The following TRIM11 variants were observed in gnomAD, a reference collection of about 807,000 sequenced individuals.
The protein encoded by TRIM11 is E3 ubiquitin-protein ligase TRIM11.
Under a neutral mutation model 33.4 loss-of-function variants are expected in TRIM11, and 15 were observed. That is an observed-to-expected ratio of 0.45 (90% CI 0.30 to 0.69). The LOEUF is 0.69. Among genes scored for constraint, TRIM11 ranks in the 30% least tolerant of loss-of-function variants. The probability of loss-of-function intolerance (pLI) is 0.08; values close to 1 mark genes in which losing one functional copy is unlikely to be tolerated. For synonymous variants in TRIM11, 281 were observed against 302.6 expected (o/e 0.93, Z 0.74); for missense variants, 499 against 667.6 (o/e 0.75, Z 2.78).
In TRIM11 at chr1:228,400,762, C is replaced by T. The variant is rs74141226; in HGVS notation, c.735+202G>A. The stretch of plus-strand genomic sequence containing the variant: ...AAAATTGATTTTCCCTTTCTCGGCA[C>T]GTGGGTTTTGGGGGTGGGACATCTG... On this transcript the variant is annotated intron_variant, in intron 3 of 5. Transcript: ENST00000284551. This position sits in a 1 kb window ranked among gnomAD's most constrained non-coding sequence, Gnocchi z 4.5. Among the ~76,000 whole-genome samples the T allele has an allele frequency of 2.6e-5, 4 of 152,170 alleles. No individual in the cohort carries two copies. Among genetic ancestry groups the T allele is most frequent in the Non-Finnish European group, 4.4e-5 (3 of 68,020 alleles).
In TRIM11 at chr1:228,395,131, G is replaced by A. The variant is rs767494416; in HGVS notation, c.981C>T (p.Pro327=). The change falls in exon 6 of 6, where the codon CCC becomes CCT. Residue 327 remains proline (P), a synonymous_variant. Coordinates refer to ENST00000284551, the MANE Select transcript of TRIM11 (RefSeq NM_145214.3). The surrounding 1 kb of genome is among the most constrained non-coding windows in gnomAD (Gnocchi z 4.8). The part of the protein sequence containing the change: ...ALPDSPERFD[P]GPCVLGQERF... Reference sequence around the variant, plus strand: ...GCTCCTGGCCCAGCACGCAGGGGCCGGGGTCAAAGCGCTCTGGGCTGTCCG... The same window carrying A: ...GCTCCTGGCCCAGCACGCAGGGGCCAGGGTCAAAGCGCTCTGGGCTGTCCG... 1.8e-5 allele frequency: 28 copies of A among 1,577,336 alleles called. No individual in the cohort carries two copies. The South Asian group carries it at 2.1e-4, about 12-fold the overall frequency.
In TRIM11 at chr1:228,406,080, A is replaced by AACTACC; in HGVS notation, c.408+73_408+74insGGTAGT. ...GATTACTCCCGGAGCAGTCCCCCAA[A>AACTACC]CCTCCCACCCGCCCAGGCCTCCCCA... On this transcript the variant is annotated intron_variant, in intron 1 of 5. Transcript: ENST00000284551. This position sits in a 1 kb window ranked among gnomAD's most constrained non-coding sequence, Gnocchi z 8.2. 1 of 1,278,040 alleles carries AACTACC rather than the reference A, an allele frequency of 7.8e-7. No individual in the cohort carries two copies. Among genetic ancestry groups the AACTACC allele is most frequent in the Non-Finnish European group, 1.0e-6 (1 of 998,948 alleles). 79.2% of individuals were successfully genotyped at this position (1,278,040 alleles called of 1,614,324 possible).
Position 228,401,142 on chromosome 1 carries a change from C to G in TRIM11, c.557G>C (p.Arg186Pro). The G allele has an allele frequency of 1.9e-6, 3 of 1,613,584 alleles. No homozygotes were observed. The highest frequency in any genetic ancestry group is 2.5e-6 in the Non-Finnish European group (3 of 1,179,928). ...CTGCTCCTCCTCTGCCAGCAAACGG[C>G]GAAGACGCTCGAACTCACCCAGCAC... ...QNVLGEFERL[R>P]RLLAEEEQQL... Residue 186 changes from arginine to proline, a missense_variant, in exon 3 of 6, where the codon CGC (arginine) becomes CCC (proline). Coordinates refer to ENST00000284551, the MANE Select transcript of TRIM11 (RefSeq NM_145214.3). This position sits in a 1 kb window ranked among gnomAD's most constrained non-coding sequence, Gnocchi z 6.1.
In TRIM11 at chr1:228,394,724, T is replaced by C; in HGVS notation, c.1388A>G (p.Asp463Gly). The C allele has an allele frequency of 6.2e-7, 1 of 1,605,582 alleles. No homozygotes were observed. The highest frequency in any genetic ancestry group is 2.2e-5 in the East Asian group (1 of 44,620). Residue 463 changes from aspartate (D) to glycine (G), a missense_variant, in exon 6 of 6, where the codon GAC (aspartate) becomes GGC (glycine). Asp to Gly is a moderately conservative substitution (Grantham distance 94, BLOSUM62 -1). Transcript: ENST00000284551. The surrounding 1 kb of genome is among the most constrained non-coding windows in gnomAD (Gnocchi z 6.2). The part of the protein sequence containing the change: ...TICRPKGGSG[D>G]TLAPQ ...CCCGAGTCACTGGGGAGCCAGGGTG[T>C]CCCCGGACCCACCTTTCGGCCGGCA... is the stretch of plus-strand genomic sequence containing the variant.
intron 3 of TRIM11, among the ~76,000 whole-genome samples, chr1:228,398,989 T>C (rs1043230463): frequency 6.6e-6 from 1 of 152,068 alleles, no homozygotes; most frequent in Non-Finnish European, 1.5e-5. Flanking sequence ...ACTCTGCGGC[T>C]ACAAGCAGGG....
Position 228,401,245 on chromosome 1 carries a change from A to G in TRIM11, c.505-51T>C, listed in dbSNP as rs1656211613. ...CTGAGGCCAGACCCCAGGCCCAGCC[A>G]GACCCCAAGTTTGGTCAGACCCCAA... On this transcript the variant is annotated intron_variant, in intron 2 of 5. Transcript: ENST00000284551. This position sits in a 1 kb window ranked among gnomAD's most constrained non-coding sequence, Gnocchi z 6.1. 1.9e-6 allele frequency: 3 copies of G among 1,578,222 alleles called. No homozygotes were observed. The highest frequency in any genetic ancestry group is 2.3e-5 in the East Asian group (1 of 44,086).
intron 1 of TRIM11, chr1:228,405,570 G>C (rs905098666): frequency 6.6e-6 from 1 of 152,350 alleles, no homozygotes; most frequent in Admixed American, 6.5e-5. Context: ...GGCAGGCTGA[G>C]CCCTGGCATC....
chr1:228,397,286 A>G, intron 3 of TRIM11, 121 bp from the exon 4 acceptor site: 1 of 1,214,542 alleles, frequency 8.2e-7, no homozygotes, highest in African/African-American at 1.5e-5. Context: ...GTCAGGCAGC[A>G]AAAACACACA....
At chr1:228,404,634 T>C (rs1356859358) in intron 1 of TRIM11, 1 of 152,238 alleles carries the variant, frequency 6.6e-6, no homozygotes. Flanking sequence ...TCATTCCCCA[T>C]GAGAAAGGCA....
At chr1:228,399,946 C>T (rs986647176) in intron 3 of TRIM11, among the ~76,000 whole-genome samples, 25 of 149,840 alleles carry the variant, frequency 1.7e-4, no homozygotes, top group African/African-American at 6.1e-4. Context: ...ATAGAAATGA[C>T]AATCGAAACC....
Position 228,401,122 on chromosome 1 carries a change from C to G in TRIM11, c.577G>C (p.Glu193Gln). The change falls in exon 3 of 6, where the codon GAG (glutamate) becomes CAG (glutamine). Residue 193 changes from glutamate (E) to glutamine (Q), a missense_variant. Physicochemically the swap from Glu to Gln is conservative, Grantham distance 29. Transcript: ENST00000284551. This position sits in a 1 kb window ranked among gnomAD's most constrained non-coding sequence, Gnocchi z 6.1. ...ERLRRLLAEE[E>Q]QQLLQRLEEE... ...TCCAGCCTCTGCAGCAGCTGCTGCT[C>G]CTCCTCTGCCAGCAAACGGCGAAGA... The G allele has an allele frequency of 6.2e-7, 1 of 1,613,598 alleles. No homozygotes were observed. The highest frequency in any genetic ancestry group is 8.5e-7 in the Non-Finnish European group (1 of 1,179,916).
Position 228,394,887 on chromosome 1 carries a change from C to G in TRIM11, c.1225G>C (p.Asp409His). Residue 409 changes from aspartate to histidine, a missense_variant, in exon 6 of 6, where the codon GAC becomes CAC. Transcript: ENST00000284551. The surrounding 1 kb of genome is among the most constrained non-coding windows in gnomAD (Gnocchi z 6.2). ...AAAGAGAGATGTCCAGCCTCGTAGT[C>G]CAGAAAGATCCCCACGCGCCTGGGT... ...DPPRRVGIFL[D>H]YEAGHLSFYS... is the part of the protein sequence containing the mutation. 6.2e-7 allele frequency: 1 copy of G among 1,614,138 alleles called. No individual in the cohort carries two copies. Among genetic ancestry groups the G allele is most frequent in the Non-Finnish European group, 8.5e-7 (1 of 1,180,020 alleles).
intron 1 of TRIM11, chr1:228,404,385 T>C (rs987757266): frequency 1.3e-4 from 20 of 152,302 alleles, no homozygotes; most frequent in African/African-American, 3.9e-4. Context: ...GAACCTGTCA[T>C]GGAGCTAATG....
At position 228,406,095 on chromosome 1, in the gene TRIM11, A is replaced by AC; in HGVS notation, c.408+58_408+59insG. The AC allele has an allele frequency of 2.1e-6, 1 of 482,014 alleles. No individual in the cohort carries two copies. Among genetic ancestry groups the AC allele is most frequent in the Non-Finnish European group, 3.1e-6 (1 of 317,932 alleles). 29.9% of individuals were successfully genotyped at this position (482,014 alleles called of 1,614,324 possible). A position where few individuals can be genotyped will look rare whatever the true frequency, so the allele number is the denominator to read the frequency against. On this transcript the variant is annotated intron_variant, in intron 1 of 5. Transcript: ENST00000284551. The surrounding 1 kb of genome is among the most constrained non-coding windows in gnomAD (Gnocchi z 8.2). Reference sequence around the variant, plus strand: ...AGTCCCCCAAACCTCCCACCCGCCCAGGCCTCCCCAGTCCCCGGCTCCCCG... The same window carrying AC: ...AGTCCCCCAAACCTCCCACCCGCCCACGGCCTCCCCAGTCCCCGGCTCCCCG...
In TRIM11 at chr1:228,406,206, T is replaced by C. The variant is rs1329770081; in HGVS notation, c.356A>G (p.Glu119Gly). The C allele has an allele frequency of 2.0e-6, 3 of 1,468,566 alleles. No individual in the cohort carries two copies. In the Admixed American group the frequency reaches 7.7e-5, roughly 38 times the overall value. The allele number at this position is 1,468,566 out of a possible 1,614,324, so 91.0% of individuals were successfully genotyped here. ...LLCAACERSG[E>G]HWAHRVRPLQ... ...CGGCCGCACGCGGTGCGCCCAGTGC[T>C]CCCCAGAGCGCTCGCAGGCCGCACA... The change falls in exon 1 of 6, where the codon GAG becomes GGG. Residue 119 changes from glutamate to glycine, a missense_variant. By Grantham distance (98) the Glu-to-Gly change is moderately conservative (BLOSUM62 -2). Transcript: ENST00000284551. The surrounding 1 kb of genome is among the most constrained non-coding windows in gnomAD (Gnocchi z 8.2).
Position 228,406,190 on chromosome 1 carries a change from G to T in TRIM11, c.372C>A (p.Arg124=). The T allele has an allele frequency of 7.0e-7, 1 of 1,435,594 alleles. No homozygotes were observed. Among genetic ancestry groups the T allele is most frequent in the Non-Finnish European group, 9.1e-7 (1 of 1,102,970 alleles). 88.9% of individuals were successfully genotyped at this position (1,435,594 alleles called of 1,614,324 possible). A position where few individuals can be genotyped will look rare whatever the true frequency, so the allele number is the denominator to read the frequency against. ...CERSGEHWAH[R]VRPLQDAAED... ...CGGCCGCGTCCTGCAGCGGCCGCACGCGGTGCGCCCAGTGCTCCCCAGAGC... is the reference window on the plus strand; with the variant it reads ...CGGCCGCGTCCTGCAGCGGCCGCACTCGGTGCGCCCAGTGCTCCCCAGAGC... The change falls in exon 1 of 6, where the codon CGC becomes CGA. Residue 124 remains arginine (R), a synonymous_variant. Coordinates refer to ENST00000284551, the MANE Select transcript of TRIM11 (RefSeq NM_145214.3). This position sits in a 1 kb window ranked among gnomAD's most constrained non-coding sequence, Gnocchi z 8.2.
At chr1:228,396,354 G>C (rs2074986891) in intron 5 of TRIM11, 1 of 397,944 alleles carries the variant, frequency 2.5e-6, no homozygotes, top group Admixed American at 4.0e-5. Context: ...TTGGGGCTCA[G>C]GGAGTTTCCA....
Position 228,406,086 on chromosome 1 carries a change from C to CA in TRIM11, c.408+67dup. Reference sequence around the variant, plus strand: ...TCCCGGAGCAGTCCCCCAAACCTCCCACCCGCCCAGGCCTCCCCAGTCCCC... The same window carrying CA: ...TCCCGGAGCAGTCCCCCAAACCTCCCAACCCGCCCAGGCCTCCCCAGTCCCC... On this transcript the variant is annotated intron_variant, in intron 1 of 5. Coordinates refer to ENST00000284551, the MANE Select transcript of TRIM11 (RefSeq NM_145214.3). This position sits in a 1 kb window ranked among gnomAD's most constrained non-coding sequence, Gnocchi z 8.2. The CA allele has an allele frequency of 7.9e-7, 1 of 1,267,846 alleles. No homozygotes were observed. The highest frequency in any genetic ancestry group is 1.0e-6 in the Non-Finnish European group (1 of 987,162). The allele number at this position is 1,267,846 out of a possible 1,614,324, so 78.5% of individuals were successfully genotyped here.
At chr1:228,404,046 G>A (rs1273469230) in intron 1 of TRIM11, 1 of 152,280 alleles carries the variant, frequency 6.6e-6, no homozygotes, top group Non-Finnish European at 1.5e-5. Flanking sequence ...GCATGGCAAA[G>A]ATCTTGCATT....
Sources: gnomAD v4.1 joint callset for allele counts (sites outside exome capture counted in the v4.1 genomes callset) on GRCh38, gnomAD v4.1.1 for gene constraint, Gnocchi (gnomAD v3.1) non-coding constraint, MANE v1.5 for transcripts, NCBI Gene and HGNC (gene_info 2026-07-23, HGNC 2026-07-21) for gene names.